CDH4: variants seen among roughly 807,000 people sequenced by gnomAD.
The protein encoded by CDH4 is cadherin 4, also known as cadherin-4.
CDH4 carries 33 observed loss-of-function variants against 86.0 expected under a neutral mutation model. The ratio of observed to expected loss-of-function variants is 0.38; its 90% confidence interval spans 0.29 to 0.51. CDH4 has a LOEUF of 0.51. Ranked by LOEUF, CDH4 falls within the 20% of genes least tolerant of loss-of-function variation. The pLI is 0.86. For missense variants in CDH4, 1,114 were observed against 1,307.4 expected, an observed-to-expected ratio of 0.85 and a Z score of 2.28; for synonymous variants, 555 against 549.4, an observed-to-expected ratio of 1.01 and a Z score of -0.14.
At chr20:61,806,489 G>A (rs1980134989) in intron 4 of CDH4, among the ~76,000 whole-genome samples, 1 of 152,250 alleles carries the variant, frequency 6.6e-6, no homozygotes, top group Non-Finnish European at 1.5e-5. Context: ...AGGGAGTGGG[G>A]AGGCAATTCC....
chr20:61,877,081 C>T (rs192554922), intron 7 of CDH4, among the ~76,000 whole-genome samples: 63 of 152,264 alleles, frequency 4.1e-4, no homozygotes, highest in East Asian at 2.3e-3. Flanking sequence ...GGGAGGGACA[C>T]CCCCTGGCCT....
chr20:61,433,541 A>G (rs2085261292), intron 2 of CDH4, among the ~76,000 whole-genome samples: 5 of 151,660 alleles, frequency 3.3e-5, no homozygotes, highest in Admixed American at 3.3e-4. Flanking sequence ...TTTGACTGGG[A>G]TTGTCAAAAT....
intron 3 of CDH4, among the ~76,000 whole-genome samples, chr20:61,769,894 G>A (rs2088753771): frequency 6.6e-6 from 1 of 152,190 alleles, no homozygotes; most frequent in African/African-American, 2.4e-5. Context: ...TATCCCCAAG[G>A]TAGAGACCAG....
intron 6 of CDH4, among the ~76,000 whole-genome samples, chr20:61,856,037 C>A (rs182809387): frequency 2.0e-5 from 3 of 152,330 alleles, no homozygotes; most frequent in African/African-American, 7.2e-5. Flanking sequence ...GGTGTCCATG[C>A]AAAGTGTGGC....
intron 7 of CDH4, among the ~76,000 whole-genome samples, chr20:61,877,163 C>T (rs944517370): frequency 2.6e-5 from 4 of 152,166 alleles, no homozygotes; most frequent in South Asian, 2.1e-4. Flanking sequence ...CTGGGCTCAG[C>T]TCCCCCTGCC....
At chr20:61,313,147 T>C (rs914607998) in intron 2 of CDH4, among the ~76,000 whole-genome samples, 1 of 152,222 alleles carries the variant, frequency 6.6e-6, no homozygotes, top group African/African-American at 2.4e-5. Flanking sequence ...CATCGAGGCC[T>C]GGTCGTGTTT....
intron 7 of CDH4, among the ~76,000 whole-genome samples, chr20:61,877,912 A>T (rs1322265875): frequency 6.6e-6 from 1 of 152,052 alleles, no homozygotes; most frequent in South Asian, 2.1e-4. Flanking sequence ...TTTGGCTGGG[A>T]GGACCCCCAG....
At chr20:61,535,643 G>A (rs1047472732) in intron 2 of CDH4, among the ~76,000 whole-genome samples, 1 of 152,220 alleles carries the variant, frequency 6.6e-6, no homozygotes, top group Non-Finnish European at 1.5e-5. Context: ...GGGACTTCCC[G>A]AGGGCAGCAG....
At chr20:61,887,388 GCACA>G (rs145026017) in intron 7 of CDH4, among the ~76,000 whole-genome samples, 6 of 151,796 alleles carry the variant, frequency 4.0e-5, no homozygotes, top group African/African-American at 9.7e-5. Context: ...GCAGTCAGCT[GCACA>G]CACACACACA....
At chr20:61,394,583 C>T (rs1002241639) in intron 2 of CDH4, among the ~76,000 whole-genome samples, 1 of 151,652 alleles carries the variant, frequency 6.6e-6, no homozygotes, top group Non-Finnish European at 1.5e-5. Flanking sequence ...GAAGAGAGCA[C>T]CAGGGCGGGG....
In CDH4 at chr20:61,663,474, G is replaced by A. The variant is rs970810422; in HGVS notation, c.170-80089G>A. On this transcript the variant is annotated intron_variant, in intron 2 of 15. Transcript: ENST00000614565. This position sits in a 1 kb window ranked among gnomAD's most constrained non-coding sequence, Gnocchi z 5.0. The stretch of plus-strand genomic sequence containing the variant: ...GCTCTGGGTCGGGGGCATTTCAGGC[G>A]AGGGTCCTAGAAATGCCAATGCTGG... 1.6e-4 allele frequency among the ~76,000 whole-genome samples: 24 copies of A among 152,320 alleles called. No homozygotes were observed. The highest frequency in any genetic ancestry group is 1.2e-3 in the Admixed American group (18 of 15,304).
Position 61,743,694 on chromosome 20 carries a change from A to C in CDH4, c.301A>C (p.Thr101Pro). ...LQVPSEQVAF[T>P]VTAWDSQTAE... ...GGTCCCCTCCGAGCAGGTGGCGTTC[A>C]CGGTGACTGCATGGGACAGCCAGAC... Residue 101 changes from threonine to proline, a missense_variant, in exon 3 of 16, where the codon ACG becomes CCG. Thr to Pro is a conservative substitution (Grantham distance 38, BLOSUM62 -1). Transcript: ENST00000614565. 6.2e-7 allele frequency: 1 copy of C among 1,609,658 alleles called. No individual in the cohort carries two copies. Among genetic ancestry groups the C allele is most frequent in the East Asian group, 2.2e-5 (1 of 44,744 alleles).
At chr20:61,768,826 G>A (rs913156519) in intron 3 of CDH4, among the ~76,000 whole-genome samples, 1 of 152,146 alleles carries the variant, frequency 6.6e-6, no homozygotes, top group Admixed American at 6.5e-5. Context: ...GCAAATATGT[G>A]CAATTTATTT....
chr20:61,852,529 T>G (rs1982772735), intron 5 of CDH4, among the ~76,000 whole-genome samples: 1 of 152,094 alleles, frequency 6.6e-6, no homozygotes, highest in Non-Finnish European at 1.5e-5. Flanking sequence ...TATGCTGGCT[T>G]CCAGCTCTGT....
intron 4 of CDH4, among the ~76,000 whole-genome samples, chr20:61,793,245 G>A (rs866870570): frequency 2.6e-5 from 4 of 151,978 alleles, no homozygotes; most frequent in Non-Finnish European, 4.4e-5. Context: ...GATTACAAGC[G>A]TGAGCCACTG....
chr20:61,721,386 G>A (rs967771549), intron 2 of CDH4, among the ~76,000 whole-genome samples: 1 of 152,190 alleles, frequency 6.6e-6, no homozygotes, highest in Non-Finnish European at 1.5e-5. Flanking sequence ...ACCCCGGCCT[G>A]GAGGATGGAC....
At chr20:61,538,594 A>G (rs537209134) in intron 2 of CDH4, among the ~76,000 whole-genome samples, 2 of 151,534 alleles carry the variant, frequency 1.3e-5, no homozygotes, top group African/African-American at 4.8e-5. Context: ...TGCAGTGAGG[A>G]CTCCTTCCCA....
intron 2 of CDH4, among the ~76,000 whole-genome samples, chr20:61,533,919 C>T (rs2085974747): frequency 6.6e-6 from 1 of 152,220 alleles, no homozygotes; most frequent in South Asian, 2.1e-4. Flanking sequence ...CTGCAGCCTC[C>T]CCATCCGAAC....
chr20:61,496,956 A>ATTTTTTTTTT (rs59603072), intron 2 of CDH4, among the ~76,000 whole-genome samples: 1 of 108,590 alleles, frequency 9.2e-6, no homozygotes, highest in African/African-American at 3.2e-5. Flanking sequence ...TTGGGGATTG[A>ATTTTTTTTTT]TTTTTTTTTT....
Sources: gnomAD v4.1 joint callset for allele counts (sites outside exome capture counted in the v4.1 genomes callset) on GRCh38, gnomAD v4.1.1 for gene constraint, Gnocchi (gnomAD v3.1) non-coding constraint, MANE v1.5 for transcripts, NCBI Gene and HGNC (gene_info 2026-07-23, HGNC 2026-07-21) for gene names.